HDAC8: variants seen among roughly 807,000 people sequenced by gnomAD.
HDAC8 encodes the protein histone deacetylase-like 1.
HDAC8 carries 1 observed loss-of-function variant against 32.2 expected under a neutral mutation model. That is an observed-to-expected ratio of 0.03 (90% CI 0.01 to 0.15). The LOEUF (loss-of-function observed/expected upper bound fraction) is 0.15. Ranked by LOEUF, HDAC8 falls within the 10% of genes least tolerant of loss-of-function variation. The probability of loss-of-function intolerance (pLI) is 1.00; values close to 1 mark genes in which losing one functional copy is unlikely to be tolerated. For missense variants in HDAC8, 117 were observed against 300.0 expected, an observed-to-expected ratio of 0.39 and a Z score of 4.51; for synonymous variants, 108 against 113.9, an observed-to-expected ratio of 0.95 and a Z score of 0.33.
At chrX:72,532,067 T>C (rs1184060649) in intron 4 of HDAC8, among the ~76,000 whole-genome samples, 2 of 110,803 alleles carry the variant, frequency 1.8e-5, no homozygotes, top group Non-Finnish European at 3.8e-5. Flanking sequence ...GGCTGTACCA[T>C]TTTATGTTTT....
At chrX:72,403,013 T>C (rs1203990989) in intron 9 of HDAC8, among the ~76,000 whole-genome samples, 1 of 112,120 alleles carries the variant, frequency 8.9e-6, no homozygotes, top group Non-Finnish European at 1.9e-5. Context: ...TTCATTCTTT[T>C]ACTTTTAACC....
chrX:72,347,019 C>G (rs182574432), intron 10 of HDAC8, among the ~76,000 whole-genome samples: 1 of 111,189 alleles, frequency 9.0e-6, no homozygotes, highest in Admixed American at 9.5e-5. Context: ...GGTCAAACAG[C>G]CTGACTCTGA....
chrX:72,371,619 A>G (rs2044878697), intron 9 of HDAC8, among the ~76,000 whole-genome samples: 1 of 112,054 alleles, frequency 8.9e-6, no homozygotes, highest in Non-Finnish European at 1.9e-5. Context: ...ACAGAGTGCA[A>G]TAGGCACTCA....
At chrX:72,523,707 T>G (rs1413952937) in intron 4 of HDAC8, among the ~76,000 whole-genome samples, 1 of 112,167 alleles carries the variant, frequency 8.9e-6, no homozygotes, top group Non-Finnish European at 1.9e-5. Flanking sequence ...TATTAACGAT[T>G]ATCAAACCTT....
At chrX:72,528,872 A>G (rs1430383207) in intron 4 of HDAC8, among the ~76,000 whole-genome samples, 1 of 112,499 alleles carries the variant, frequency 8.9e-6, no homozygotes, top group Non-Finnish European at 1.9e-5. Flanking sequence ...GCTGAATTGT[A>G]TCTATCTAGA....
At chrX:72,503,742 C>A (rs1465085462) in intron 4 of HDAC8, among the ~76,000 whole-genome samples, 6 of 111,915 alleles carry the variant, frequency 5.4e-5, no homozygotes, top group Admixed American at 9.5e-5. Flanking sequence ...CAAGGCCTTA[C>A]CTGGAATGCC....
intron 9 of HDAC8, among the ~76,000 whole-genome samples, chrX:72,411,763 G>A (rs1262281002): frequency 8.9e-6 from 1 of 112,238 alleles, no homozygotes; most frequent in African/African-American, 3.2e-5. Flanking sequence ...CACTGAGCTT[G>A]TAGTATAAAA....
At chrX:72,440,595 G>C (rs1192309650) in intron 9 of HDAC8, among the ~76,000 whole-genome samples, 1 of 111,986 alleles carries the variant, frequency 8.9e-6, no homozygotes, top group Non-Finnish European at 1.9e-5. Flanking sequence ...CTAATAAAGA[G>C]CGTGAGCGAC....
intron 9 of HDAC8, among the ~76,000 whole-genome samples, chrX:72,382,696 A>G (rs1266055121): frequency 4.5e-5 from 5 of 112,165 alleles, no homozygotes; most frequent in Non-Finnish European, 7.5e-5. Flanking sequence ...TAGCAAATCT[A>G]TAGAGACAGA....
chrX:72,485,983 G>A (rs2048660806), intron 7 of HDAC8, among the ~76,000 whole-genome samples: 1 of 110,885 alleles, frequency 9.0e-6, no homozygotes, highest in Non-Finnish European at 1.9e-5. Context: ...TTAGTCGGGT[G>A]TGGTGGCAGG....
chrX:72,536,928 T>C (rs12008852), intron 4 of HDAC8, among the ~76,000 whole-genome samples: 11,548 of 111,617 alleles, frequency 0.1, 1,400 homozygotes, highest in African/African-American at 0.34. Flanking sequence ...GACAATGATG[T>C]AATTGACCCA....
chrX:72,408,816 T>G (rs1305402279), intron 9 of HDAC8, among the ~76,000 whole-genome samples: 8 of 111,284 alleles, frequency 7.2e-5, no homozygotes, highest in African/African-American at 2.3e-4. Context: ...TGGGAGAGAA[T>G]AGTAGGAAAT....
At chrX:72,391,090 C>T (rs2045600269) in intron 9 of HDAC8, among the ~76,000 whole-genome samples, 1 of 111,755 alleles carries the variant, frequency 8.9e-6, no homozygotes, top group Non-Finnish European at 1.9e-5. Flanking sequence ...GTGAGGTGTA[C>T]CTGTATTAGC....
chrX:72,567,891 C>T lies in HDAC8; in HGVS notation c.435G>A (p.Lys145=). The T allele has an allele frequency of 8.3e-7, 1 of 1,211,858 alleles. No individual in the cohort carries two copies. The highest frequency in any genetic ancestry group is 3.0e-5 in the East Asian group (1 of 33,849). ...INWSGGWHHA[K]KDEASGFCYL... ...AAACAGAAAGGTCATTTTCTTACTT[C>T]TTTGCATGATGCCACCCTCCAGACC... is the stretch of plus-strand genomic sequence containing the variant. Residue 145 remains lysine, a splice_region_variant and synonymous_variant, in exon 4 of 11, where the codon AAG becomes AAA. Coordinates refer to ENST00000373573, the MANE Select transcript of HDAC8 (RefSeq NM_018486.3).
intron 9 of HDAC8, among the ~76,000 whole-genome samples, chrX:72,426,683 C>T (rs2046647983): frequency 9.0e-6 from 1 of 110,647 alleles, no homozygotes; most frequent in Admixed American, 9.6e-5. Flanking sequence ...TCCAAACCTC[C>T]TAGCAGTATT....
chrX:72,554,461 A>G (rs1556085423), intron 4 of HDAC8, among the ~76,000 whole-genome samples: 2 of 86,460 alleles, frequency 2.3e-5, no homozygotes, highest in South Asian at 7.0e-4. Flanking sequence ...CTGCCTGGAA[A>G]TAGACTCAGT....
In HDAC8 at chrX:72,512,855, C is replaced by T. The variant is rs182673779; in HGVS notation, c.438-17587G>A. ...ACAGGAAGAAAGATCCTTTCTTTTG[C>T]GTAGTATGCAAGGCCCTTCATAATT... On this transcript the variant is annotated intron_variant, in intron 4 of 10. Transcript: ENST00000373573. 2.8e-3 allele frequency among the ~76,000 whole-genome samples: 312 copies of T among 111,467 alleles called. 2 individuals are homozygous for T. Among genetic ancestry groups the T allele is most frequent in the Non-Finnish European group, 4.8e-3 (255 of 53,105 alleles).
At chrX:72,370,702 C>T (rs1157972018) in intron 9 of HDAC8, among the ~76,000 whole-genome samples, 1 of 111,952 alleles carries the variant, frequency 8.9e-6, no homozygotes, top group African/African-American at 3.3e-5. Flanking sequence ...TCACAAGGTC[C>T]CACAATAGGC....
intron 10 of HDAC8, among the ~76,000 whole-genome samples, chrX:72,331,181 G>A (rs1284730913): frequency 2.7e-5 from 3 of 109,943 alleles, no homozygotes; most frequent in Non-Finnish European, 3.8e-5. Context: ...TCTTGATCTC[G>A]TGATCCACCC....
Sources: allele counts gnomAD v4.1 joint callset (sites outside exome capture counted in the v4.1 genomes callset), GRCh38; gene constraint gnomAD v4.1.1; transcripts MANE v1.5; gene names NCBI Gene and HGNC (gene_info 2026-07-23, HGNC 2026-07-21).